The following GPRIN3 variants were observed in gnomAD, a reference collection of about 807,000 sequenced individuals.
GPRIN3 encodes GPRIN family member 3.
A neutral mutation model predicts 13.7 loss-of-function variants in GPRIN3; 12 were observed. The observed-to-expected ratio is 0.87, with a 90% confidence interval of 0.56 to 1.42. The LOEUF (loss-of-function observed/expected upper bound fraction) is 1.42. GPRIN3 is among the 40% of genes most tolerant of loss of function. The pLI is 0.00. For missense variants in GPRIN3, 1,009 were observed against 958.7 expected (o/e 1.05, Z -0.69); for synonymous variants, 377 against 372.7 (o/e 1.01, Z -0.13).
intron 1 of GPRIN3, among the ~76,000 whole-genome samples, chr4:89,252,378 C>T (rs1195684555): frequency 1.3e-5 from 2 of 152,156 alleles, no homozygotes; most frequent in East Asian, 1.9e-4. Context: ...CATTAATAAG[C>T]CATGTTACTT....
chr4:89,261,994 C>T (rs192975602), intron 1 of GPRIN3, among the ~76,000 whole-genome samples: 12 of 151,872 alleles, frequency 7.9e-5, no homozygotes, highest in South Asian at 6.2e-4. Flanking sequence ...TGGTGGCACG[C>T]GCCTGTGGTC....
chr4:89,275,136 C>CTGTGTGTGTGTGTGTGTGTGTGTG (rs56091424), intron 1 of GPRIN3, among the ~76,000 whole-genome samples: 1 of 149,148 alleles, frequency 6.7e-6, no homozygotes, highest in African/African-American at 2.5e-5. Flanking sequence ...CTAAGTAACT[C>CTGTGTGTGTGTGTGTGTGTGTGTG]TGTGTGTGTG....
In GPRIN3 at chr4:89,238,646, C is replaced by T. The variant is rs1333941670; in HGVS notation, c.*9134G>A. The T allele has an allele frequency of 6.6e-6, 1 of 151,794 alleles. No individual in the cohort carries two copies. Among genetic ancestry groups the T allele is most frequent in the African/African-American group, 2.4e-5 (1 of 41,248 alleles). The allele number at this position is 151,794 out of a possible 1,614,324, so 9.4% of individuals were successfully genotyped here. A position where few individuals can be genotyped will look rare whatever the true frequency, so the allele number is the denominator to read the frequency against. On this transcript the variant is annotated 3_prime_UTR_variant, in exon 2 of 2. Transcript: ENST00000609438. ...TCTACCAAGTACAGGAAAAACCTCG[C>T]GTTTGATGACCAGGAGGAATTGTTG... is the stretch of plus-strand genomic sequence containing the variant.
At chr4:89,289,824 T>C (rs1724523649) in intron 1 of GPRIN3, among the ~76,000 whole-genome samples, 1 of 152,100 alleles carries the variant, frequency 6.6e-6, no homozygotes, top group Admixed American at 6.5e-5. Context: ...ATGACATCTT[T>C]TTTAAAACAC....
In GPRIN3 at chr4:89,244,761, T is replaced by C. The variant is rs1174731054; in HGVS notation, c.*3019A>G. Reference sequence around the variant, plus strand: ...CATCTTAATATTTTAAATGTTGAATTGTCTTCCAGACATGGAGTTCTAACT... The same window carrying C: ...CATCTTAATATTTTAAATGTTGAATCGTCTTCCAGACATGGAGTTCTAACT... On this transcript the variant is annotated 3_prime_UTR_variant, in exon 2 of 2. Transcript: ENST00000609438. 1.3e-5 allele frequency: 2 copies of C among 152,222 alleles called. No homozygotes were observed. The highest frequency in any genetic ancestry group is 2.4e-5 in the African/African-American group (1 of 41,466). The allele number at this position is 152,222 out of a possible 1,614,324, so 9.4% of individuals were successfully genotyped here. A position where few individuals can be genotyped will look rare whatever the true frequency, so the allele number is the denominator to read the frequency against.
intron 1 of GPRIN3, among the ~76,000 whole-genome samples, chr4:89,281,556 C>A (rs1393987139): frequency 6.6e-6 from 1 of 152,186 alleles, no homozygotes; most frequent in Non-Finnish European, 1.5e-5. Flanking sequence ...CCAGACCCCA[C>A]CTCCAACACT....
At chr4:89,256,719 C>T (rs1723474793) in intron 1 of GPRIN3, among the ~76,000 whole-genome samples, 1 of 152,228 alleles carries the variant, frequency 6.6e-6, no homozygotes, top group Non-Finnish European at 1.5e-5. Context: ...ACAGGGACCT[C>T]AGTGAGCACC....
At chr4:89,259,403 A>C (rs963029965) in intron 1 of GPRIN3, among the ~76,000 whole-genome samples, 2 of 152,184 alleles carry the variant, frequency 1.3e-5, no homozygotes, top group African/African-American at 4.8e-5. Context: ...GAAGGACTTC[A>C]ATTGCAAGCT....
At chr4:89,297,815 G>C (rs888280806) in intron 1 of GPRIN3, among the ~76,000 whole-genome samples, 1 of 152,154 alleles carries the variant, frequency 6.6e-6, no homozygotes, top group African/African-American at 2.4e-5. Context: ...ATAATGATCT[G>C]ACTCAAGATC....
intron 1 of GPRIN3, among the ~76,000 whole-genome samples, chr4:89,279,723 C>T (rs922327679): frequency 2.0e-5 from 3 of 152,198 alleles, no homozygotes; most frequent in African/African-American, 4.8e-5. Flanking sequence ...CTCTTATCTG[C>T]GCTAGGCTCT....
At chr4:89,283,172 T>C (rs1406631476) in intron 1 of GPRIN3, among the ~76,000 whole-genome samples, 2 of 152,222 alleles carry the variant, frequency 1.3e-5, no homozygotes, top group Non-Finnish European at 2.9e-5. Context: ...ACTCAATTCA[T>C]GCAGCTGAAC....
Position 89,281,597 on chromosome 4 carries a change from G to A in GPRIN3, c.-124+26018C>T, listed in dbSNP as rs371349393. Among the ~76,000 whole-genome samples the A allele has an allele frequency of 7.2e-4, 109 of 152,198 alleles. 1 individual carries two copies. Among genetic ancestry groups the A allele is most frequent in the Non-Finnish European group, 2.6e-4 (18 of 68,014 alleles). The stretch of plus-strand genomic sequence containing the variant: ...TTACATTTCAACATGAGATTTAGGC[G>A]GGGACACAGATCCAATCTATATCAG... On this transcript the variant is annotated intron_variant, in intron 1 of 1. Transcript: ENST00000609438.
chr4:89,266,283 T>G (rs1723776949), intron 1 of GPRIN3, among the ~76,000 whole-genome samples: 1 of 152,204 alleles, frequency 6.6e-6, no homozygotes, highest in African/African-American at 2.4e-5. Context: ...ACAAATTTTC[T>G]GTTCCCAAAG....
intron 1 of GPRIN3, among the ~76,000 whole-genome samples, chr4:89,295,857 A>AT (rs1724716728): frequency 6.6e-6 from 1 of 152,074 alleles, no homozygotes; most frequent in African/African-American, 2.4e-5. Context: ...TTAACTCAAT[A>AT]TTTTTCATTA....
chr4:89,238,105 A>G lies in GPRIN3; in HGVS notation c.*9675T>C, dbSNP rs1196642760. 1 of 125,970 alleles carries G rather than the reference A, an allele frequency of 7.9e-6. No individual in the cohort carries two copies. Among genetic ancestry groups the G allele is most frequent in the Non-Finnish European group, 1.6e-5 (1 of 61,388 alleles). The allele number at this position is 125,970 out of a possible 1,614,324, so 7.8% of individuals were successfully genotyped here. A position where few individuals can be genotyped will look rare whatever the true frequency, so the allele number is the denominator to read the frequency against. On this transcript the variant is annotated 3_prime_UTR_variant, in exon 2 of 2. Transcript: ENST00000609438. ...ACAGGGCACCATTTTAGGTTAAAAT[A>G]GTGTGCATTTATACACACACACACA...
chr4:89,268,282 A>C (rs1723837198), intron 1 of GPRIN3, among the ~76,000 whole-genome samples: 1 of 152,228 alleles, frequency 6.6e-6, no homozygotes, highest in Non-Finnish European at 1.5e-5. Flanking sequence ...TAAGAATACA[A>C]AGAGAAAAGA....
Position 89,247,990 on chromosome 4 carries a change from G to A in GPRIN3, c.2121C>T (p.Ile707=), listed in dbSNP as rs749578909. 20 of 1,614,092 alleles carry A rather than the reference G, an allele frequency of 1.2e-5. No homozygotes were observed. The South Asian group carries it at 1.4e-4, about 12-fold the overall frequency. ...GTCTTTGCAAATGGTTCTGGATCGC[G>A]ATTCCCAGGGACTCTGCGTCCAAGG... is the stretch of plus-strand genomic sequence containing the variant. The part of the protein sequence containing the change: ...GASLDAESLG[I]AIQNHLQRQI... The change falls in exon 2 of 2, where the codon ATC becomes ATT. Residue 707 remains isoleucine (I), a synonymous_variant. Coordinates refer to ENST00000609438, the MANE Select transcript of GPRIN3 (RefSeq NM_198281.3).
chr4:89,275,736 C>T (rs539151210), intron 1 of GPRIN3, among the ~76,000 whole-genome samples: 2 of 152,294 alleles, frequency 1.3e-5, no homozygotes, highest in South Asian at 4.1e-4. Flanking sequence ...TTATTTTTTC[C>T]CTCCTTTAAT....
In GPRIN3 at chr4:89,246,102, T is replaced by C. The variant is rs1835678; in HGVS notation, c.*1678A>G. On this transcript the variant is annotated 3_prime_UTR_variant, in exon 2 of 2. Transcript: ENST00000609438. The stretch of plus-strand genomic sequence containing the variant: ...TTGTGCTAAGTTCAGGAATGATTTT[T>C]TTTCCTGCATATGTTCAGAATGTGC... The C allele has an allele frequency of 0.41, 62,882 of 151,942 alleles. 13,345 individuals carry two copies. The highest frequency in any genetic ancestry group is 0.56 in the South Asian group (2,705 of 4,826). 9.4% of individuals were successfully genotyped at this position (151,942 alleles called of 1,614,324 possible).
Sources: allele counts gnomAD v4.1 joint callset (sites outside exome capture counted in the v4.1 genomes callset), GRCh38; gene constraint gnomAD v4.1.1; transcripts MANE v1.5; gene names NCBI Gene and HGNC (gene_info 2026-07-23, HGNC 2026-07-21).